The following HCN2 variants were observed in gnomAD, a reference collection of about 807,000 sequenced individuals.
HCN2 encodes hyperpolarization activated cyclic nucleotide gated potassium and sodium channel 2.
A neutral mutation model predicts 52.3 loss-of-function variants in HCN2; 20 were observed. The observed-to-expected ratio is 0.38, with a 90% CI of 0.27 to 0.56. The LOEUF (loss-of-function observed/expected upper bound fraction) is 0.56. Ranked by LOEUF, HCN2 falls within the 20% of genes least tolerant of loss-of-function variation. The pLI is 0.71. For missense variants in HCN2, 981 were observed against 1,207.7 expected (o/e 0.81, Z 2.78); for synonymous variants, 694 against 537.0 (o/e 1.29, Z -4.04).
rs778038480 is a variant in HCN2 at position 615,792 on chromosome 19, C to T, written c.1991-3C>T. On this transcript the variant is annotated splice_polypyrimidine_tract_variant and splice_region_variant and intron_variant, in intron 7 of 7. Transcript: ENST00000251287. ...GCACACGCTAACGCCCCCTCTCCCG[C>T]AGGCAAGAAGAATTCCATCCTCCTG... 2.5e-6 allele frequency: 4 copies of T among 1,611,302 alleles called. No homozygotes were observed. Among genetic ancestry groups the T allele is most frequent in the African/African-American group, 1.3e-5 (1 of 74,884 alleles).
chr19:614,066 G>T, intron 7 of HCN2, 50 bp downstream of exon 7: 1 of 1,362,868 alleles, frequency 7.3e-7, no homozygotes, highest in Non-Finnish European at 9.8e-7. Flanking sequence ...CGGGGGAGGG[G>T]CGTGGCCAAG....
Position 603,944 on chromosome 19 carries a change from C to T in HCN2, c.1033C>T (p.Arg345Cys). The change falls in exon 2 of 8, where the codon CGC becomes TGC. Residue 345 changes from arginine to cysteine, a missense_variant. Transcript: ENST00000251287. Reference protein sequence around the residue: ...LRLLRLSRLIRYIHQWEEIFH... With the variant: ...LRLLRLSRLICYIHQWEEIFH... ...GCTGCTGCGCCTCTCACGCCTGATC[C>T]GCTACATCCATCAGTGGGAGGAGGT... The T allele has an allele frequency of 1.2e-6, 2 of 1,605,586 alleles. No individual in the cohort carries two copies. The highest frequency in any genetic ancestry group is 1.7e-6 in the Non-Finnish European group (2 of 1,177,502).
chr19:610,405 G>A lies in HCN2; in HGVS notation c.1584G>A (p.Glu528=). Residue 528 remains glutamate (E), a splice_region_variant and synonymous_variant, in exon 5 of 8, where the codon GAG becomes GAA. Transcript: ENST00000251287. The stretch of plus-strand genomic sequence containing the variant: ...GCGAGCTCAACGGGCCCCTGCGGGA[G>A]GTGAGGCGGGCGCCGGGCGGGCGGG... The part of the protein sequence containing the change: ...ILGELNGPLR[E]EIVNFNCRKL... The A allele has an allele frequency of 6.2e-7, 1 of 1,612,624 alleles. No homozygotes were observed. Among genetic ancestry groups the A allele is most frequent in the South Asian group, 1.1e-5 (1 of 91,046 alleles).
At chr19:610,581 C>G (rs1983587179) in intron 5 of HCN2, among the ~76,000 whole-genome samples, 176 bp downstream of exon 5, 1 of 152,156 alleles carries the variant, frequency 6.6e-6, no homozygotes, top group African/African-American at 2.4e-5. Flanking sequence ...CTCTGCACCC[C>G]CAGGACCCCC....
chr19:609,760 G>A (rs1185674834), intron 4 of HCN2, among the ~76,000 whole-genome samples: 2 of 152,128 alleles, frequency 1.3e-5, no homozygotes, highest in African/African-American at 4.8e-5. Context: ...AATCAGCCAG[G>A]CGTGGTGGCG....
intron 5 of HCN2, among the ~76,000 whole-genome samples, chr19:612,427 T>TGTGTGTGTGTGTGTGTGTGTGTGTGTGA: frequency 3.3e-4 from 47 of 142,316 alleles, no homozygotes; most frequent in African/African-American, 8.4e-4. Flanking sequence ...TGTGTGTGTG[T>TGTGTGTGTGTGTGTGTGTGTGTGTGTGA]GAGAGAGAGA....
chr19:609,062 C>G (rs1259002519), intron 4 of HCN2, among the ~76,000 whole-genome samples: 1 of 152,210 alleles, frequency 6.6e-6, no homozygotes, highest in South Asian at 2.1e-4. Context: ...AAGTGCCCCC[C>G]TCTCCCGCGC....
chr19:611,033 C>T (rs1014511178), intron 5 of HCN2, among the ~76,000 whole-genome samples: 9 of 152,124 alleles, frequency 5.9e-5, no homozygotes, highest in Non-Finnish European at 1.2e-4. Flanking sequence ...ACAGCCTTCT[C>T]CCCTGTGTGT....
At chr19:608,820 G>C (rs980180846) in intron 4 of HCN2, among the ~76,000 whole-genome samples, 35 of 152,198 alleles carry the variant, frequency 2.3e-4, no homozygotes, top group African/African-American at 2.7e-4. Flanking sequence ...CCGGCAGTCA[G>C]GGCCAGGCTT....
In HCN2 at chr19:592,014, G is replaced by T. The variant is rs1229351453; in HGVS notation, c.632+1437G>T. ...GAGGAGCCCCGAAATCCCCAGAGGG[G>T]CTGTGTCCGGCCCCTCCCACCCTGC... On this transcript the variant is annotated intron_variant, in intron 1 of 7. Coordinates refer to ENST00000251287, the MANE Select transcript of HCN2 (RefSeq NM_001194.4). This position sits in a 1 kb window ranked among gnomAD's most constrained non-coding sequence, Gnocchi z 4.8. 1.3e-5 allele frequency among the ~76,000 whole-genome samples: 2 copies of T among 152,190 alleles called. No homozygotes were observed. Among genetic ancestry groups the T allele is most frequent in the Admixed American group, 6.5e-5 (1 of 15,292 alleles).
In HCN2 at chr19:590,440, C is replaced by T. The variant is rs1188744286; in HGVS notation, c.495C>T (p.Arg165=). The T allele has an allele frequency of 2.0e-6, 3 of 1,498,104 alleles. No individual in the cohort carries two copies. The highest frequency in any genetic ancestry group is 2.7e-6 in the Non-Finnish European group (3 of 1,117,050). The allele number at this position is 1,498,104 out of a possible 1,614,324, so 92.8% of individuals were successfully genotyped here. ...PRGSQASFMQ[R]QFGALLQPGV... is the part of the protein sequence containing the mutation. The stretch of plus-strand genomic sequence containing the variant: ...GCAGCCAGGCCAGCTTCATGCAGCG[C>T]CAGTTCGGCGCGCTCCTGCAGCCGG... Residue 165 remains arginine (R), a synonymous_variant, in exon 1 of 8, where the codon CGC becomes CGT. Transcript: ENST00000251287. This position sits in a 1 kb window ranked among gnomAD's most constrained non-coding sequence, Gnocchi z 7.2.
intron 1 of HCN2, among the ~76,000 whole-genome samples, chr19:602,557 G>A (rs1476201283): frequency 6.6e-6 from 1 of 152,308 alleles, no homozygotes; most frequent in South Asian, 2.1e-4. Flanking sequence ...GGCGTGAGCT[G>A]AGCACGGTTC....
intron 1 of HCN2, among the ~76,000 whole-genome samples, chr19:598,201 C>G (rs1379069425): frequency 6.6e-6 from 1 of 152,188 alleles, no homozygotes; most frequent in African/African-American, 2.4e-5. Context: ...GCCCTCATGT[C>G]CTGTCTAGAC....
At chr19:595,858 C>G (rs891116092) in intron 1 of HCN2, among the ~76,000 whole-genome samples, 11 of 152,262 alleles carry the variant, frequency 7.2e-5, no homozygotes, top group African/African-American at 2.7e-4. Context: ...TCACCGACCT[C>G]CGGCCCCTAA....
At chr19:608,864 C>T (rs377068537) in intron 4 of HCN2, among the ~76,000 whole-genome samples, 55 of 152,254 alleles carry the variant, frequency 3.6e-4, no homozygotes, top group Admixed American at 7.2e-4. Context: ...TGCTCAGATG[C>T]GGCCTCTGGC....
At chr19:615,066 A>G (rs1332776971) in intron 7 of HCN2, among the ~76,000 whole-genome samples, 1 of 152,160 alleles carries the variant, frequency 6.6e-6, no homozygotes, top group African/African-American at 2.4e-5. Context: ...TGTATACAGC[A>G]GGTGCTCAGC....
intron 1 of HCN2, among the ~76,000 whole-genome samples, chr19:595,359 C>T (rs942674683): frequency 6.6e-6 from 1 of 151,946 alleles, no homozygotes; most frequent in African/African-American, 2.4e-5. Context: ...CCCCGTCCCC[C>T]TTTCTGGCCT....
At position 591,995 on chromosome 19, in the gene HCN2, C is replaced by A. The variant is rs1982887864; in HGVS notation, c.632+1418C>A. Among the ~76,000 whole-genome samples the A allele has an allele frequency of 6.6e-6, 1 of 152,164 alleles. No homozygotes were observed. Among genetic ancestry groups the A allele is most frequent in the Non-Finnish European group, 1.5e-5 (1 of 68,024 alleles). ...CGAGACAGGCCAGGGGTGGGAGGAG[C>A]CCCGAAATCCCCAGAGGGGCTGTGT... On this transcript the variant is annotated intron_variant, in intron 1 of 7. Coordinates refer to ENST00000251287, the MANE Select transcript of HCN2 (RefSeq NM_001194.4). The surrounding 1 kb of genome is among the most constrained non-coding windows in gnomAD (Gnocchi z 4.1).
chr19:594,574 C>T (rs1283498715), intron 1 of HCN2, among the ~76,000 whole-genome samples: 1 of 152,214 alleles, frequency 6.6e-6, no homozygotes, highest in South Asian at 2.1e-4. Flanking sequence ...CAGGCGGCCC[C>T]TGGGCCCCGC....
Sources: allele counts gnomAD v4.1 joint callset (sites outside exome capture counted in the v4.1 genomes callset), GRCh38; gene constraint gnomAD v4.1.1; non-coding constraint Gnocchi (gnomAD v3.1); transcripts MANE v1.5; gene names NCBI Gene and HGNC (gene_info 2026-07-23, HGNC 2026-07-21).